The following MKLN1 variants were observed in gnomAD, a reference collection of about 807,000 sequenced individuals.
MKLN1 encodes muskelin 1, also known as muskelin.
In MKLN1, 18 loss-of-function variants were observed where a neutral mutation model predicts 99.0. The ratio of observed to expected loss-of-function variants is 0.18; its 90% CI spans 0.13 to 0.27. MKLN1 has a LOEUF of 0.27. MKLN1 is among the 10% of genes least tolerant of loss of function. MKLN1 has a pLI of 1.00. For synonymous variants in MKLN1, 288 were observed against 293.2 expected (o/e 0.98, Z 0.18); for missense variants, 621 against 875.9 (o/e 0.71, Z 3.67).
chr7:131,420,263 A>G (rs1191635816), intron 8 of MKLN1, among the ~76,000 whole-genome samples: 2 of 151,912 alleles, frequency 1.3e-5, no homozygotes, highest in Non-Finnish European at 2.9e-5. Context: ...ATTAGTGAGT[A>G]TGAGAAGGTG....
At chr7:131,297,848 C>G (rs1168221354) in intron 3 of MKLN1, among the ~76,000 whole-genome samples, 1 of 152,160 alleles carries the variant, frequency 6.6e-6, no homozygotes, top group Non-Finnish European at 1.5e-5. Context: ...CAAGTTCATC[C>G]TTGAAGCAGC....
chr7:131,477,176 C>G (rs1796990250), intron 16 of MKLN1, among the ~76,000 whole-genome samples: 1 of 152,030 alleles, frequency 6.6e-6, no homozygotes, highest in African/African-American at 2.4e-5. Flanking sequence ...GAACTAAAGG[C>G]AGTAATCATC....
At chr7:131,136,221 C>A (rs965546048) in intron 1 of MKLN1, among the ~76,000 whole-genome samples, 23 of 152,186 alleles carry the variant, frequency 1.5e-4, no homozygotes, top group African/African-American at 5.3e-4. Context: ...TGAGAATAAG[C>A]CTTTCAGGCT....
At chr7:131,138,439 T>C (rs765757541) in intron 1 of MKLN1, among the ~76,000 whole-genome samples, 2 of 152,314 alleles carry the variant, frequency 1.3e-5, no homozygotes, top group Non-Finnish European at 2.9e-5. Flanking sequence ...AGGCATTTCA[T>C]TTCCAGGTGC....
At chr7:131,164,013 G>A (rs757531145) in intron 2 of MKLN1, among the ~76,000 whole-genome samples, 3 of 152,192 alleles carry the variant, frequency 2.0e-5, no homozygotes, top group Non-Finnish European at 2.9e-5. Context: ...CTTTGCCACA[G>A]GGCCTCGTTC....
intron 3 of MKLN1, among the ~76,000 whole-genome samples, chr7:131,294,670 C>T (rs892460055): frequency 9.2e-4 from 140 of 152,178 alleles, no homozygotes; most frequent in Non-Finnish European, 4.4e-5. Context: ...AGAAACTGTA[C>T]ACAAGCTCAT....
chr7:131,186,930 G>A lies in MKLN1; in HGVS notation c.-296-15927G>A, dbSNP rs762940341. On this transcript the variant is annotated intron_variant, in intron 2 of 7. Coordinates refer to the MKLN1 transcript ENST00000416992. ...ATCATTGAGCTTAGTTTTGATCAGC[G>A]TGTAGGCGTTAGCCAGTAAGAGAAG... Among the ~76,000 whole-genome samples the A allele has an allele frequency of 1.4e-4, 21 of 152,212 alleles. 1 individual carries two copies. Among genetic ancestry groups the A allele is most frequent in the Admixed American group, 1.2e-3 (18 of 15,276 alleles).
intron 17 of MKLN1, among the ~76,000 whole-genome samples, chr7:131,480,252 G>C: frequency 6.6e-6 from 1 of 152,042 alleles, no homozygotes; most frequent in South Asian, 2.1e-4. Flanking sequence ...CCTTAGAGTT[G>C]AGCAATAGTA....
chr7:131,159,037 TA>T (rs372146185), intron 2 of MKLN1, among the ~76,000 whole-genome samples: 2 of 151,202 alleles, frequency 1.3e-5, no homozygotes, highest in Non-Finnish European at 3.0e-5. Flanking sequence ...CAAAAAAATT[TA>T]AAAAAAAATT....
In MKLN1 at chr7:131,464,428, C is replaced by G. The variant is rs1185095597; in HGVS notation, c.1788+20C>G. 2 of 1,440,046 alleles carry G rather than the reference C, an allele frequency of 1.4e-6. No individual in the cohort carries two copies. Among genetic ancestry groups the G allele is most frequent in the African/African-American group, 1.4e-5 (1 of 71,442 alleles). The allele number at this position is 1,440,046 out of a possible 1,614,324, so 89.2% of individuals were successfully genotyped here. A position where few individuals can be genotyped will look rare whatever the true frequency, so the allele number is the denominator to read the frequency against. ...CACAAGGTATCCTAACTACATTGAC[C>G]TGTAAACTTTCCATGGCCTACTATC... On this transcript the variant is annotated intron_variant, in intron 14 of 17. Coordinates refer to ENST00000352689, the MANE Select transcript of MKLN1 (RefSeq NM_013255.5).
intron 1 of MKLN1, among the ~76,000 whole-genome samples, chr7:131,114,882 G>A (rs748620658): frequency 6.6e-6 from 1 of 151,656 alleles, no homozygotes; most frequent in Non-Finnish European, 1.5e-5. Flanking sequence ...GTTGTGATGA[G>A]CTGAAATTGC....
chr7:131,397,405 A>T, intron 5 of MKLN1, 29 bp downstream of exon 5: 1 of 1,180,524 alleles, frequency 8.5e-7, no homozygotes, highest in Non-Finnish European at 1.2e-6. Flanking sequence ...TCCTGACTTT[A>T]ATGCCTATAA....
chr7:131,434,857 CT>C (rs1795632153), intron 9 of MKLN1, among the ~76,000 whole-genome samples: 1 of 152,140 alleles, frequency 6.6e-6, no homozygotes, highest in Admixed American at 6.6e-5. Flanking sequence ...CAGGCCCAGC[CT>C]TTATTTTATT....
intron 12 of MKLN1, 23 bp downstream of exon 12, chr7:131,445,926 T>C (rs755297955): frequency 3.3e-6 from 5 of 1,532,820 alleles, no homozygotes; most frequent in Non-Finnish European, 3.5e-6. Context: ...AGTGATTTCT[T>C]CTCTCATGTC....
intron 3 of MKLN1, among the ~76,000 whole-genome samples, chr7:131,317,565 A>G (rs1430121893): frequency 1.3e-5 from 2 of 152,166 alleles, no homozygotes; most frequent in African/African-American, 4.8e-5. Flanking sequence ...TAAAATAACC[A>G]GCTAGCATCA....
chr7:131,398,271 A>G (rs933147909), intron 5 of MKLN1, among the ~76,000 whole-genome samples: 16 of 152,268 alleles, frequency 1.1e-4, no homozygotes, highest in African/African-American at 3.6e-4. Flanking sequence ...TTTTTATAAG[A>G]TTGTATTTTT....
At chr7:131,370,910 G>A (rs1400491657) in intron 1 of MKLN1, among the ~76,000 whole-genome samples, 1 of 152,130 alleles carries the variant, frequency 6.6e-6, no homozygotes, top group Non-Finnish European at 1.5e-5. Flanking sequence ...GAGTTACTTA[G>A]TTGGCTTAGT....
At chr7:131,409,560 A>G (rs1277529938) in intron 6 of MKLN1, among the ~76,000 whole-genome samples, 1 of 152,198 alleles carries the variant, frequency 6.6e-6, no homozygotes, top group African/African-American at 2.4e-5. Flanking sequence ...AAGTCTTGAA[A>G]GCGAAAGGGT....
intron 8 of MKLN1, among the ~76,000 whole-genome samples, chr7:131,419,976 C>T (rs1365606797): frequency 6.6e-6 from 1 of 152,080 alleles, no homozygotes; most frequent in Non-Finnish European, 1.5e-5. Flanking sequence ...CTTTAAGGAT[C>T]CTATTGCTCA....
Sources: allele counts gnomAD v4.1 joint callset (sites outside exome capture counted in the v4.1 genomes callset), GRCh38; gene constraint gnomAD v4.1.1; transcripts MANE v1.5; gene names NCBI Gene and HGNC (gene_info 2026-07-23, HGNC 2026-07-21).